Variants in POLE4 observed in about 807,000 individuals in gnomAD.
POLE4 encodes DNA polymerase epsilon 4, accessory subunit, also known as DNA polymerase epsilon subunit 4.
Under a neutral mutation model 15.6 loss-of-function variants are expected in POLE4, and 15 were observed. The observed-to-expected ratio is 0.96, with a 90% CI of 0.64 to 1.48. The LOEUF is 1.48. Ranked by LOEUF, POLE4 falls within the 40% of genes most tolerant of loss-of-function variation. The pLI is 0.00. For synonymous variants in POLE4, 83 were observed against 63.2 expected (o/e 1.31, Z -1.49); for missense variants, 205 against 151.9 (o/e 1.35, Z -1.84).
intron 3 of POLE4, among the ~76,000 whole-genome samples, chr2:74,967,382 C>G (rs943765438): frequency 2.0e-5 from 3 of 149,402 alleles, no homozygotes; most frequent in Non-Finnish European, 4.4e-5. Context: ...TGTTTGGTTC[C>G]TTTCCAAATC....
At chr2:74,965,008 G>T (rs1381503228) in intron 3 of POLE4, among the ~76,000 whole-genome samples, 1 of 150,308 alleles carries the variant, frequency 6.7e-6, no homozygotes, top group African/African-American at 2.5e-5. Flanking sequence ...TTGCATCCCT[G>T]TTTATAAAAG....
intron 3 of POLE4, chr2:74,960,463 T>C (rs1553456626): frequency 1.3e-5 from 6 of 462,372 alleles, no homozygotes; most frequent in Middle Eastern, 3.1e-4. Flanking sequence ...TTGCCCCCCC[T>C]CATCATGTTA....
rs1312052012 is a variant in POLE4, at chr2:74,969,639, G to A, written c.*217G>A. 7 of 600,030 alleles carry A rather than the reference G, an allele frequency of 1.2e-5. No individual in the cohort carries two copies. The highest frequency in any genetic ancestry group is 2.1e-5 in the Non-Finnish European group (7 of 333,068). The allele number at this position is 600,030 out of a possible 1,614,324, so 37.2% of individuals were successfully genotyped here. A position where few individuals can be genotyped will look rare whatever the true frequency, so the allele number is the denominator to read the frequency against. ...GTCTTCCATATCAAGCCTGGATGCA[G>A]CTGCTGCTGCTTAGAGCAGAGATGA... On this transcript the variant is annotated 3_prime_UTR_variant, in exon 4 of 4. Coordinates refer to ENST00000483063, the MANE Select transcript of POLE4 (RefSeq NM_019896.4).
chr2:74,968,673 G>T (rs1258520275), intron 3 of POLE4, among the ~76,000 whole-genome samples: 3 of 147,684 alleles, frequency 2.0e-5, no homozygotes, highest in South Asian at 2.2e-4. Flanking sequence ...TCTTCTGGTT[G>T]TCCTGCCTGT....
chr2:74,968,283 T>C (rs1460491430), intron 3 of POLE4, among the ~76,000 whole-genome samples: 2 of 152,220 alleles, frequency 1.3e-5, no homozygotes, highest in East Asian at 3.8e-4. Flanking sequence ...GCTTTATTTT[T>C]CTTATGTTTT....
chr2:74,959,406 C>G lies in POLE4; in HGVS notation c.279C>G (p.Thr93=), dbSNP rs777072143. ...GCGCTCAGCAGGGAAAAAGGAAAAC[C>G]CTTCAGAGGAGAGACTTGGGTAGAG... The part of the protein sequence containing the change: ...YCCAQQGKRK[T]LQRRDLDNAI... The change falls in exon 2 of 4, where the codon ACC becomes ACG. Residue 93 remains threonine, a synonymous_variant. Coordinates refer to ENST00000483063, the MANE Select transcript of POLE4 (RefSeq NM_019896.4). 23 of 1,611,332 alleles carry G rather than the reference C, an allele frequency of 1.4e-5. No homozygotes were observed. Among genetic ancestry groups the G allele is most frequent in the Non-Finnish European group, 1.9e-5 (22 of 1,177,618 alleles).
At chr2:74,966,720 G>T (rs927748498) in intron 3 of POLE4, among the ~76,000 whole-genome samples, 5 of 152,088 alleles carry the variant, frequency 3.3e-5, no homozygotes, top group Non-Finnish European at 5.9e-5. Context: ...CTGTATTTCC[G>T]ATCCTCCATT....
Position 74,959,326 on chromosome 2 carries a change from T to C in POLE4, c.214-15T>C, listed in dbSNP as rs199858976. 6.2e-7 allele frequency: 1 copy of C among 1,603,444 alleles called. No individual in the cohort carries two copies. The highest frequency in any genetic ancestry group is 8.5e-7 in the Non-Finnish European group (1 of 1,170,984). Reference sequence around the variant, plus strand: ...TTAGAACCCATTACTAAAACTTTGCTTTTTTACTTCACAGGAACTGTTTGT... The same window carrying C: ...TTAGAACCCATTACTAAAACTTTGCCTTTTTACTTCACAGGAACTGTTTGT... On this transcript the variant is annotated splice_polypyrimidine_tract_variant and intron_variant, in intron 1 of 3. Transcript: ENST00000483063.
intron 3 of POLE4, among the ~76,000 whole-genome samples, chr2:74,967,578 G>A (rs1275842960): frequency 6.6e-6 from 1 of 151,932 alleles, no homozygotes; most frequent in African/African-American, 2.4e-5. Context: ...TGAGTTTTTT[G>A]TTTGCTAGTC....
chr2:74,960,625 G>A (rs993988234), intron 3 of POLE4: 4 of 481,036 alleles, frequency 8.3e-6, no homozygotes, highest in African/African-American at 7.8e-5. Flanking sequence ...ACTAAATTTT[G>A]TCATTAAAAA....
intron 3 of POLE4, among the ~76,000 whole-genome samples, chr2:74,962,832 A>G (rs1296442293): frequency 3.3e-5 from 5 of 152,192 alleles, no homozygotes; most frequent in Admixed American, 2.0e-4. Context: ...ATAGCTTACT[A>G]TATAAGCATG....
Position 74,958,646 on chromosome 2 carries a change from GT to G in POLE4, c.-33del, listed in dbSNP as rs1160435114. 1.4e-6 allele frequency: 2 copies of G among 1,391,970 alleles called. No individual in the cohort carries two copies. Among genetic ancestry groups the G allele is most frequent in the African/African-American group, 3.1e-5 (2 of 65,140 alleles). The allele number at this position is 1,391,970 out of a possible 1,614,324, so 86.2% of individuals were successfully genotyped here. A position where few individuals can be genotyped will look rare whatever the true frequency, so the allele number is the denominator to read the frequency against. On this transcript the variant is annotated 5_prime_UTR_variant, in exon 1 of 4. Transcript: ENST00000483063. ...GGCCTGCGCCGCATGCGCGCGCACAGTCGGCGGCCGCGCGCAGCACGCTCAA... is the reference window on the plus strand; with the variant it reads ...GGCCTGCGCCGCATGCGCGCGCACAGCGGCGGCCGCGCGCAGCACGCTCAA...
chr2:74,966,197 G>A (rs1019096346), intron 3 of POLE4, among the ~76,000 whole-genome samples: 2 of 151,684 alleles, frequency 1.3e-5, no homozygotes, highest in Non-Finnish European at 2.9e-5. Flanking sequence ...AGCCTATTTA[G>A]TACCTTTCCC....
intron 3 of POLE4, among the ~76,000 whole-genome samples, chr2:74,965,184 C>G (rs538959713): frequency 6.6e-6 from 1 of 151,448 alleles, no homozygotes; most frequent in East Asian, 1.9e-4. Context: ...ACCTCTGCCT[C>G]CTGGGTTCAA....
At position 74,958,812 on chromosome 2, in the gene POLE4, C is replaced by T. The variant is rs781678030; in HGVS notation, c.133C>T (p.Arg45Ter). 6.4e-7 allele frequency: 1 copy of T among 1,556,266 alleles called. No individual in the cohort carries two copies. The highest frequency in any genetic ancestry group is 8.7e-7 in the Non-Finnish European group (1 of 1,149,942). ...TCGTCTCTCGAGGTTGCCTCTGGCG[C>T]GAGTGAAGGCCTTGGTGAAGGCAGA... ...GARLSRLPLA[R>*]VKALVKADPD... Residue 45 changes from arginine to a stop codon, truncating the protein, a stop_gained, in exon 1 of 4, where the codon CGA (arginine) becomes TGA (stop). Transcript: ENST00000483063. LOFTEE classifies it high-confidence loss of function.
rs757956968 is a variant in POLE4, at chr2:74,959,333, C to T, written c.214-8C>T. On this transcript the variant is annotated splice_region_variant and splice_polypyrimidine_tract_variant and intron_variant, in intron 1 of 3. Transcript: ENST00000483063. ...CCATTACTAAAACTTTGCTTTTTTACTTCACAGGAACTGTTTGTGGAGACC... is the reference window on the plus strand; with the variant it reads ...CCATTACTAAAACTTTGCTTTTTTATTTCACAGGAACTGTTTGTGGAGACC... The T allele has an allele frequency of 1.2e-6, 2 of 1,608,414 alleles. No individual in the cohort carries two copies. Among genetic ancestry groups the T allele is most frequent in the Admixed American group, 3.4e-5 (2 of 59,646 alleles).
At chr2:74,960,376 A>G (rs1422399441) in intron 3 of POLE4, 2 of 582,062 alleles carry the variant, frequency 3.4e-6, no homozygotes, top group Non-Finnish European at 6.2e-6. Context: ...AATAGGAGGG[A>G]ATATAAAGAT....
chr2:74,969,197 C>T lies in POLE4; in HGVS notation c.341-212C>T, dbSNP rs139125646. 2.2e-3 allele frequency among the ~76,000 whole-genome samples: 328 copies of T among 152,238 alleles called. 2 individuals are homozygous for T. Among genetic ancestry groups the T allele is most frequent in the East Asian group, 2.7e-3 (14 of 5,176 alleles). On this transcript the variant is annotated intron_variant, in intron 3 of 3. Coordinates refer to ENST00000483063, the MANE Select transcript of POLE4 (RefSeq NM_019896.4). ...TTCCCACTTCTAATTCTAGCTCTTCCGACTAGTATGCTTAATTCCTAACTG... is the reference window on the plus strand; with the variant it reads ...TTCCCACTTCTAATTCTAGCTCTTCTGACTAGTATGCTTAATTCCTAACTG...
At chr2:74,966,294 G>A (rs1010752076) in intron 3 of POLE4, among the ~76,000 whole-genome samples, 2 of 152,024 alleles carry the variant, frequency 1.3e-5, no homozygotes, top group African/African-American at 2.4e-5. Context: ...TTATTGTCAT[G>A]TATTTTTGTT....
Sources: gnomAD v4.1 joint callset for allele counts (sites outside exome capture counted in the v4.1 genomes callset) on GRCh38, gnomAD v4.1.1 for gene constraint, MANE v1.5 for transcripts, NCBI Gene and HGNC (gene_info 2026-07-23, HGNC 2026-07-21) for gene names.